Variants in RPS4Y1 observed in about 807,000 individuals in gnomAD.
RPS4Y1 encodes the protein small ribosomal subunit protein eS4, Y isoform 1.
For missense variants in RPS4Y1, 30 were observed against 60.9 expected (o/e 0.49, Z 1.69); for synonymous variants, 23 against 20.8 (o/e 1.10, Z -0.28).
rs773294543 is a variant in RPS4Y1 at position 2,842,696 on chromosome Y, A to G, written c.81+454A>G. Among the ~76,000 whole-genome samples, 8 of 33,286 alleles carry G rather than the reference A, an allele frequency of 2.4e-4. No individual in the cohort carries two copies. In the South Asian group the frequency reaches 4.1e-3, roughly 17 times the overall value. The allele number at this position is 33,286 out of a possible 37,273, so 89.3% of individuals were successfully genotyped here. The stretch of plus-strand genomic sequence containing the variant: ...TACAGGAGCCCACGAAACAAGGGCA[A>G]GAAGTTGTGTGAGAAAGTCTGGAGG... On this transcript the variant is annotated intron_variant, in intron 2 of 6. Coordinates refer to ENST00000250784, the MANE Select transcript of RPS4Y1 (RefSeq NM_001008.4).
chrY:2,860,500 T>A, intron 5 of RPS4Y1, among the ~76,000 whole-genome samples: 1 of 33,445 alleles, frequency 3.0e-5, no homozygotes, highest in African/African-American at 1.2e-4. Context: ...ATTTCTTAAA[T>A]GTATTTGATT....
intron 5 of RPS4Y1, among the ~76,000 whole-genome samples, chrY:2,862,762 G>C (rs746618337): frequency 3.0e-5 from 1 of 33,869 alleles, no homozygotes; most frequent in African/African-American, 1.2e-4. Flanking sequence ...CCTTCCTTCT[G>C]TCTGGCATCT....
At chrY:2,866,629 A>T in intron 6 of RPS4Y1, among the ~76,000 whole-genome samples, 164 bp from the exon 7 acceptor site, 1 of 33,816 alleles carries the variant, frequency 3.0e-5, no homozygotes, top group Non-Finnish European at 7.4e-5. Flanking sequence ...CTCAGGAGAC[A>T]TGTATAAGGA....
chrY:2,856,312 T>G (rs2051159857), intron 5 of RPS4Y1, among the ~76,000 whole-genome samples: 1 of 32,692 alleles, frequency 3.1e-5, no homozygotes, highest in South Asian at 7.2e-4. Flanking sequence ...CTAATTTTTG[T>G]ATTTTTAGTA....
chrY:2,845,710 T>C lies in RPS4Y1; in HGVS notation c.327T>C (p.Phe109=). The C allele has an allele frequency of 5.0e-6, 2 of 397,160 alleles. No individual in the cohort carries two copies. The highest frequency in any genetic ancestry group is 7.1e-6 in the Non-Finnish European group (2 of 281,756). The change falls in exon 4 of 7, where the codon TTT becomes TTC. Residue 109 remains phenylalanine (F), a synonymous_variant. Transcript: ENST00000250784. ...TGGTCTATGACACCAAGGGCCGTTT[T>C]GCTGTTCACCGCATCACAGTGGAAG... ...FRLVYDTKGR[F]AVHRITVEEA... is the part of the protein sequence containing the mutation.
At chrY:2,857,125 C>T in intron 5 of RPS4Y1, among the ~76,000 whole-genome samples, 5 of 33,109 alleles carry the variant, frequency 1.5e-4, no homozygotes, top group African/African-American at 4.7e-4. Context: ...ACCACCTTAA[C>T]CATTTTTAAG....
intron 5 of RPS4Y1, among the ~76,000 whole-genome samples, chrY:2,858,420 A>C (rs2051161390): frequency 3.0e-5 from 1 of 33,352 alleles, no homozygotes; most frequent in South Asian, 6.8e-4. Context: ...AGGAAATTAT[A>C]TCTCTTATGT....
chrY:2,843,764 G>T (rs2051151006), intron 2 of RPS4Y1, among the ~76,000 whole-genome samples: 1 of 32,892 alleles, frequency 3.0e-5, no homozygotes, highest in East Asian at 8.0e-4. Flanking sequence ...ATGTAGTGTT[G>T]TGTTCAAGGG....
intron 2 of RPS4Y1, among the ~76,000 whole-genome samples, chrY:2,842,627 T>A: frequency 3.0e-5 from 1 of 33,041 alleles, no homozygotes; most frequent in Non-Finnish European, 7.4e-5. Flanking sequence ...GTGGAGTAGC[T>A]GCTTTTTACG....
At chrY:2,862,938 C>T (rs966097023) in intron 5 of RPS4Y1, among the ~76,000 whole-genome samples, 2 of 33,396 alleles carry the variant, frequency 6.0e-5, no homozygotes, top group African/African-American at 1.2e-4. Context: ...TTATGGGAAG[C>T]GTCTGCTGTT....
intron 4 of RPS4Y1, among the ~76,000 whole-genome samples, chrY:2,847,812 A>G (rs2051153673): frequency 8.9e-5 from 3 of 33,522 alleles, no homozygotes; most frequent in Non-Finnish European, 2.2e-4. Flanking sequence ...GCAACTTGCA[A>G]ATAGATGATA....
chrY:2,842,330 G>T, intron 2 of RPS4Y1, 88 bp downstream of exon 2: 1 of 230,935 alleles, frequency 4.3e-6, no homozygotes, highest in Non-Finnish European at 7.0e-6. Context: ...TATTTCTTGG[G>T]GGCGGCGTTT....
chrY:2,845,793 G>A (rs776782259), intron 4 of RPS4Y1, 50 bp downstream of exon 4: 7 of 266,285 alleles, frequency 2.6e-5, no homozygotes, highest in African/African-American at 7.1e-5. Flanking sequence ...CAGATAGGTC[G>A]GTTGCTAAGT....
intron 4 of RPS4Y1, among the ~76,000 whole-genome samples, chrY:2,847,313 A>G (rs2051153308): frequency 2.9e-5 from 1 of 33,900 alleles, no homozygotes; most frequent in African/African-American, 1.2e-4. Flanking sequence ...CTTGAAAATA[A>G]GACTAGAAAA....
intron 4 of RPS4Y1, 184 bp from the exon 5 acceptor site, chrY:2,854,416 T>C: frequency 7.1e-6 from 1 of 141,263 alleles, no homozygotes; most frequent in Non-Finnish European, 1.4e-5. Context: ...CCCAAATGTC[T>C]AAATTACTAA....
chrY:2,845,277 C>G (rs2051151845), intron 3 of RPS4Y1, among the ~76,000 whole-genome samples: 1 of 32,495 alleles, frequency 3.1e-5, no homozygotes, highest in African/African-American at 1.2e-4. Context: ...AGCCTGGAGC[C>G]TTGCTTGCTT....
intron 4 of RPS4Y1, among the ~76,000 whole-genome samples, chrY:2,847,039 G>A (rs2051153131): frequency 8.9e-5 from 3 of 33,842 alleles, no homozygotes; most frequent in Admixed American, 2.6e-4. Context: ...TTGTGTAACA[G>A]GTGAGAGACT....
At chrY:2,848,570 T>C (rs2051154120) in intron 4 of RPS4Y1, among the ~76,000 whole-genome samples, 1 of 33,102 alleles carries the variant, frequency 3.0e-5, no homozygotes, top group Non-Finnish European at 7.4e-5. Context: ...ACAGGAGGCT[T>C]CACCTTGCAG....
chrY:2,841,874 T>A, intron 1 of RPS4Y1: 1 of 360,411 alleles, frequency 2.8e-6, no homozygotes, highest in Non-Finnish European at 3.9e-6. Context: ...TTTACCCGGA[T>A]TAGCTTATTT....
Sources: gnomAD v4.1 joint callset for allele counts (sites outside exome capture counted in the v4.1 genomes callset) on GRCh38, gnomAD v4.1.1 for gene constraint, MANE v1.5 for transcripts, NCBI Gene and HGNC (gene_info 2026-07-23, HGNC 2026-07-21) for gene names.